The following ITGAX variants were observed in gnomAD, a reference collection of about 807,000 sequenced individuals.
ITGAX encodes the protein integrin alpha-X.
Under a neutral mutation model 140.2 loss-of-function variants are expected in ITGAX, and 99 were observed. The observed-to-expected ratio is 0.71, with a 90% CI of 0.60 to 0.83. The LOEUF (loss-of-function observed/expected upper bound fraction) is 0.83, where lower values mean the gene tolerates loss of function less well. ITGAX is among the 40% of genes least tolerant of loss of function. The pLI, the probability that ITGAX is intolerant of heterozygous loss-of-function variation, is 0.00. For synonymous variants in ITGAX, 631 were observed against 600.4 expected (o/e 1.05, Z -0.75); for missense variants, 1,444 against 1,482.0 (o/e 0.97, Z 0.42).
chr16:31,380,238 C>T (rs1318489061), intron 26 of ITGAX, 28 bp from the exon 27 acceptor site: 1 of 1,606,510 alleles, frequency 6.2e-7, no homozygotes, highest in Non-Finnish European at 8.5e-7. Flanking sequence ...TCATCTTTCT[C>T]AGCCCCATGC....
intron 10 of ITGAX, 73 bp from the exon 11 acceptor site, chr16:31,362,002 G>A (rs1008244665): frequency 9.9e-6 from 16 of 1,612,624 alleles, no homozygotes; most frequent in African/African-American, 1.3e-5. Flanking sequence ...AGGCGCAGGC[G>A]GAAGGCATAT....
In ITGAX at chr16:31,365,339, T is replaced by G. The variant is rs567798417; in HGVS notation, c.1710+1965T>G. 6.6e-5 allele frequency among the ~76,000 whole-genome samples: 10 copies of G among 152,276 alleles called. No individual in the cohort carries two copies. In the East Asian group the frequency reaches 1.9e-3, roughly 29 times the overall value. ...TACCAAAAGGCACTAAGTCATATAC[T>G]TTAAAGGGGTGAGTTGTGTGCTATG... On this transcript the variant is annotated intron_variant, in intron 14 of 29. Transcript: ENST00000268296.
In ITGAX at chr16:31,363,295, C is replaced by A. The variant is rs777465042; in HGVS notation, c.1631C>A (p.Pro544Gln). 5 of 1,613,842 alleles carry A rather than the reference C, an allele frequency of 3.1e-6. 1 individual carries two copies. The South Asian group carries it at 5.5e-5, about 18-fold the overall frequency. Residue 544 changes from proline to glutamine, a missense_variant, in exon 14 of 30, where the codon CCA becomes CAA. Pro to Gln is a moderately conservative substitution (Grantham distance 76). Transcript: ENST00000268296. Reference protein sequence around the residue: ...DKLTDVVIGAPGEEENRGAVY... With the variant: ...DKLTDVVIGAQGEEENRGAVY... ...CTGACAGACGTGGTCATCGGGGCCC[C>A]AGGAGAGGAGGAGAACCGGGGTGCT...
intron 17 of ITGAX, 124 bp downstream of exon 17, chr16:31,371,908 A>T (rs1173142900): frequency 1.2e-5 from 14 of 1,159,894 alleles, no homozygotes; most frequent in Non-Finnish European, 1.7e-5. Flanking sequence ...GCCATGCAGG[A>T]CGTGCTTACT....
At chr16:31,368,778 G>GAGATTA (rs2080919618) in intron 14 of ITGAX, among the ~76,000 whole-genome samples, 1 of 151,570 alleles carries the variant, frequency 6.6e-6, no homozygotes, top group Non-Finnish European at 1.5e-5. Context: ...TTGTGTCCCT[G>GAGATTA]GGTACTTGAG....
At chr16:31,360,583 A>G (rs1469425528) in intron 8 of ITGAX, 120 bp downstream of exon 8, 1 of 973,588 alleles carries the variant, frequency 1.0e-6, no homozygotes, top group East Asian at 2.5e-5. Context: ...GAAGTGGTGC[A>G]ATCCTAGCTC....
At chr16:31,360,872 A>C in intron 8 of ITGAX, 191 bp from the exon 9 acceptor site, 1 of 584,320 alleles carries the variant, frequency 1.7e-6, no homozygotes, top group Non-Finnish European at 3.0e-6. Flanking sequence ...TAAGGATGAA[A>C]ACTCTGCCCC....
intron 4 of ITGAX, 57 bp downstream of exon 4, chr16:31,357,158 G>T (rs759445520): frequency 1.3e-6 from 2 of 1,567,070 alleles, no homozygotes; most frequent in African/African-American, 1.4e-5. Flanking sequence ...AGCCGGGGCC[G>T]CGGGGGGCTG....
intron 14 of ITGAX, among the ~76,000 whole-genome samples, chr16:31,368,782 A>C (rs997765778): frequency 1.6e-4 from 24 of 151,566 alleles, no homozygotes; most frequent in Non-Finnish European, 3.2e-4. Context: ...GTCCCTGGGT[A>C]CTTGAGATTA....
chr16:31,363,765 A>C (rs1416122045), intron 14 of ITGAX, among the ~76,000 whole-genome samples: 1 of 152,218 alleles, frequency 6.6e-6, no homozygotes, highest in Admixed American at 6.5e-5. Flanking sequence ...TTTACAAGGT[A>C]CACAGGTCAG....
chr16:31,377,313 C>CAA (rs71700237), intron 23 of ITGAX, 48 bp downstream of exon 23: 691 of 971,554 alleles, frequency 7.1e-4, no homozygotes, highest in African/African-American at 2.7e-3. Context: ...TCTCTGACCT[C>CAA]AAAAAGAAAA....
chr16:31,379,624 A>T lies in ITGAX; in HGVS notation c.2846A>T (p.His949Leu), dbSNP rs1228103361. ...NFSESEEKES[H>L]VAMHRYQVNN... Reference sequence around the variant, plus strand: ...TCAGAGTCTGAGGAGAAGGAAAGCCATGTGGCCATGCACAGATACCAGGCA... The same window carrying T: ...TCAGAGTCTGAGGAGAAGGAAAGCCTTGTGGCCATGCACAGATACCAGGCA... Residue 949 changes from histidine to leucine, a missense_variant, in exon 24 of 30, where the codon CAT (histidine) becomes CTT (leucine). By Grantham distance (99) the His-to-Leu change is moderately conservative (BLOSUM62 -3). Transcript: ENST00000268296. The T allele has an allele frequency of 2.6e-6, 4 of 1,563,172 alleles. No individual in the cohort carries two copies. The South Asian group carries it at 3.5e-5, about 14-fold the overall frequency.
intron 13 of ITGAX, 23 bp downstream of exon 13, chr16:31,363,098 G>T: frequency 6.2e-7 from 1 of 1,601,354 alleles, no homozygotes; most frequent in South Asian, 1.1e-5. Flanking sequence ...TGGGCCTGGG[G>T]TGGGTGGGGT....
In ITGAX at chr16:31,357,278, A is replaced by G; in HGVS notation, c.344A>G (p.Glu115Gly). The change falls in exon 5 of 30, where the codon GAG becomes GGG. Residue 115 changes from glutamate to glycine, a missense_variant. Transcript: ENST00000268296. ...LLACGPTVHH[E>G]CGRNMYLTGL... Reference sequence around the variant, plus strand: ...GCCTGCGGCCCCACCGTGCACCACGAGTGCGGGAGGAACATGTACCTCACC... The same window carrying G: ...GCCTGCGGCCCCACCGTGCACCACGGGTGCGGGAGGAACATGTACCTCACC... 2 of 1,607,768 alleles carry G rather than the reference A, an allele frequency of 1.2e-6. No individual in the cohort carries two copies. Among genetic ancestry groups the G allele is most frequent in the Non-Finnish European group, 1.7e-6 (2 of 1,177,710 alleles).
chr16:31,373,978 C>A (rs945888137), intron 20 of ITGAX, among the ~76,000 whole-genome samples: 4 of 152,268 alleles, frequency 2.6e-5, no homozygotes, highest in Admixed American at 6.5e-5. Context: ...TCAAAGAGAA[C>A]CAGATTTTTT....
chr16:31,378,855 G>T (rs2081043008), intron 23 of ITGAX, among the ~76,000 whole-genome samples: 1 of 144,528 alleles, frequency 6.9e-6, no homozygotes, highest in Non-Finnish European at 1.5e-5. Context: ...TCACTGTGTT[G>T]CCCAGGCTGG....
intron 4 of ITGAX, 55 bp downstream of exon 4, chr16:31,357,156 C>T: frequency 6.4e-7 from 1 of 1,569,812 alleles, no homozygotes; most frequent in South Asian, 1.1e-5. Context: ...GGAGCCGGGG[C>T]CGCGGGGGGC....
rs1380205804 is a variant in ITGAX at position 31,362,080 on chromosome 16, C to T, written c.1092C>T (p.Gly364=). 1 of 1,614,112 alleles carries T rather than the reference C, an allele frequency of 6.2e-7. No individual in the cohort carries two copies. Among genetic ancestry groups the T allele is most frequent in the Admixed American group, 1.7e-5 (1 of 60,028 alleles). ...EGFSAVFTPD[G]PVLGAVGSFT... is the part of the protein sequence containing the mutation. ...CTGGAATCCTTTTCTCCCAGGATGG[C>T]CCCGTTCTGGGGGCTGTGGGGAGCT... is the stretch of plus-strand genomic sequence containing the variant. Residue 364 remains glycine (G), a synonymous_variant, in exon 11 of 30, where the codon GGC becomes GGT. Coordinates refer to ENST00000268296, the MANE Select transcript of ITGAX (RefSeq NM_000887.5).
chr16:31,368,721 G>T (rs2080918961), intron 14 of ITGAX, among the ~76,000 whole-genome samples: 2 of 151,954 alleles, frequency 1.3e-5, no homozygotes, highest in African/African-American at 4.8e-5. Context: ...AGTGAACAAA[G>T]GTCTCTGGTT....
Sources: allele counts gnomAD v4.1 joint callset (sites outside exome capture counted in the v4.1 genomes callset), GRCh38; gene constraint gnomAD v4.1.1; transcripts MANE v1.5; gene names NCBI Gene and HGNC (gene_info 2026-07-23, HGNC 2026-07-21).